Variants in ATP8B1 observed in about 807,000 individuals in gnomAD.
The protein encoded by ATP8B1 is ATPase phospholipid transporting 8B1, also known as phospholipid-transporting ATPase IC.
A neutral mutation model predicts 149.9 loss-of-function variants in ATP8B1; 80 were observed. That is an observed-to-expected ratio of 0.53 (90% CI 0.45 to 0.64). The LOEUF (loss-of-function observed/expected upper bound fraction) is 0.64, where lower values mean the gene tolerates loss of function less well. Among genes scored for constraint, ATP8B1 ranks in the 30% least tolerant of loss-of-function variants. The pLI is 0.00. For synonymous variants in ATP8B1, 536 were observed against 562.8 expected, an observed-to-expected ratio of 0.95 and a Z score of 0.67; for missense variants, 1,247 against 1,552.6, an observed-to-expected ratio of 0.80 and a Z score of 3.31.
chr18:57,756,672 T>TCTC (rs71171083), intron 1 of ATP8B1, among the ~76,000 whole-genome samples: 1 of 151,862 alleles, frequency 6.6e-6, no homozygotes, highest in Non-Finnish European at 1.5e-5. Context: ...TCTCTCTCTC[T>TCTC]TTTTAAAACT....
chr18:57,695,047 A>AAG, intron 10 of ATP8B1, 124 bp downstream of exon 10: 1 of 871,662 alleles, frequency 1.1e-6, no homozygotes, highest in African/African-American at 1.7e-5. Context: ...AAAAAAAAAA[A>AAG]AAAAAAAAGC....
intron 2 of ATP8B1, among the ~76,000 whole-genome samples, chr18:57,722,223 C>G (rs1263217423): frequency 6.6e-6 from 1 of 151,706 alleles, no homozygotes; most frequent in Non-Finnish European, 1.5e-5. Flanking sequence ...CAAAAGTTAG[C>G]AGAAGGCAAG....
rs796785865 is a variant in ATP8B1, at chr18:57,676,735, A to G, written c.1631-1713T>C. On this transcript the variant is annotated intron_variant, in intron 15 of 27. Transcript: ENST00000648908. ...TCCATTTCAAAAAAAAAAAAAAAAA[A>G]AAAGAAAGAAAGAAAAGTTGAAACA... Among the ~76,000 whole-genome samples, 1,026 of 150,982 alleles carry G rather than the reference A, an allele frequency of 6.8e-3. 13 individuals are homozygous for G. The highest frequency in any genetic ancestry group is 0.023 in the African/African-American group (928 of 40,978).
At chr18:57,703,901 A>G (rs1172531176) in intron 4 of ATP8B1, among the ~76,000 whole-genome samples, 2 of 152,204 alleles carry the variant, frequency 1.3e-5, no homozygotes, top group South Asian at 2.1e-4. Flanking sequence ...TCTAACTACA[A>G]TGATAAAAGA....
intron 1 of ATP8B1, among the ~76,000 whole-genome samples, chr18:57,736,737 G>A (rs2079860855): frequency 6.6e-6 from 1 of 151,310 alleles, no homozygotes; most frequent in South Asian, 2.1e-4. Context: ...TAGGATTATA[G>A]GTGTGGTCCC....
At chr18:57,723,092 C>T (rs979874605) in intron 2 of ATP8B1, among the ~76,000 whole-genome samples, 101 of 151,486 alleles carry the variant, frequency 6.7e-4, no homozygotes, top group African/African-American at 2.3e-3. Flanking sequence ...ATTGATGGGA[C>T]GTATTTCAAA....
intron 23 of ATP8B1, 63 bp downstream of exon 23, chr18:57,655,131 C>G (rs1909902279): frequency 6.9e-7 from 1 of 1,446,678 alleles, no homozygotes; most frequent in Admixed American, 1.7e-5. Context: ...CTTTTCAGAA[C>G]TAGATTTTTA....
chr18:57,733,836 C>T (rs1283378030), intron 1 of ATP8B1, among the ~76,000 whole-genome samples: 1 of 151,894 alleles, frequency 6.6e-6, no homozygotes, highest in African/African-American at 2.4e-5. Flanking sequence ...AACTATGTAG[C>T]TGATTGCAAG....
rs1909382370 is a variant in ATP8B1 at position 57,648,852 on chromosome 18, T to TGTGTG, written c.3532-141_3532-140insCACAC. The TGTGTG allele has an allele frequency of 3.0e-4, 169 of 557,538 alleles. 15 individuals carry two copies. Among genetic ancestry groups the TGTGTG allele is most frequent in the Middle Eastern group, 9.5e-4 (2 of 2,104 alleles). The allele number at this position is 557,538 out of a possible 1,614,324, so 34.5% of individuals were successfully genotyped here. A position where few individuals can be genotyped will look rare whatever the true frequency, so the allele number is the denominator to read the frequency against. ...TTGATGCAGGCAGTTCTGTCCCCAC[T>TGTGTG]TGTGTGTGTGTGTGTGTGTGTGTGT... is the stretch of plus-strand genomic sequence containing the variant. On this transcript the variant is annotated intron_variant, in intron 27 of 27. Transcript: ENST00000648908.
At chr18:57,715,943 G>C (rs944974847) in intron 2 of ATP8B1, among the ~76,000 whole-genome samples, 1 of 152,154 alleles carries the variant, frequency 6.6e-6, no homozygotes, top group African/African-American at 2.4e-5. Flanking sequence ...ACCCAGAATA[G>C]TATAACACTG....
intron 2 of ATP8B1, among the ~76,000 whole-genome samples, chr18:57,707,138 C>T (rs1475094108): frequency 1.3e-5 from 2 of 152,132 alleles, no homozygotes; most frequent in African/African-American, 2.4e-5. Context: ...AACCCCGTCT[C>T]TACTAAAAAT....
intron 22 of ATP8B1, chr18:57,659,923 T>C (rs936052037): frequency 5.3e-5 from 8 of 152,190 alleles, no homozygotes; most frequent in African/African-American, 1.9e-4. Flanking sequence ...CAATTACCTA[T>C]GTACAGTCAG....
intron 2 of ATP8B1, 61 bp from the exon 3 acceptor site, chr18:57,706,648 T>G: frequency 7.5e-7 from 1 of 1,339,884 alleles, no homozygotes; most frequent in South Asian, 1.2e-5. Flanking sequence ...ATGAGTTGAA[T>G]TGTGTCTTCC....
intron 2 of ATP8B1, among the ~76,000 whole-genome samples, chr18:57,712,012 A>G (rs1478271031): frequency 1.3e-5 from 2 of 151,000 alleles, no homozygotes; most frequent in African/African-American, 4.9e-5. Context: ...ACTGTTTTAA[A>G]GCAATGTTTG....
At chr18:57,772,466 A>C (rs1264723887) in intron 1 of ATP8B1, among the ~76,000 whole-genome samples, 1 of 152,174 alleles carries the variant, frequency 6.6e-6, no homozygotes, top group African/African-American at 2.4e-5. Context: ...TCAGTTACTA[A>C]AGTGCGGGTA....
At chr18:57,667,991 TC>T (rs1425719180) in intron 19 of ATP8B1, 1 of 1,122,144 alleles carries the variant, frequency 8.9e-7, no homozygotes, top group Admixed American at 3.1e-5. Flanking sequence ...AAAATTAAAA[TC>T]GTTCTTTCCT....
At chr18:57,789,513 A>G (rs1170446911) in intron 1 of ATP8B1, among the ~76,000 whole-genome samples, 1 of 152,232 alleles carries the variant, frequency 6.6e-6, no homozygotes, top group Non-Finnish European at 1.5e-5. Context: ...ACTTTGTTAT[A>G]CTACCCTACA....
At chr18:57,800,258 G>A (rs2080561276) in intron 1 of ATP8B1, among the ~76,000 whole-genome samples, 1 of 152,126 alleles carries the variant, frequency 6.6e-6, no homozygotes, top group Non-Finnish European at 1.5e-5. Context: ...ACTTTGGGAG[G>A]CCAAGGCAGG....
Position 57,652,518 on chromosome 18 carries a change from A to G in ATP8B1, c.3227T>C (p.Ile1076Thr). The G allele has an allele frequency of 1.9e-6, 3 of 1,614,214 alleles. No individual in the cohort carries two copies. The highest frequency in any genetic ancestry group is 1.3e-5 in the African/African-American group (1 of 75,058). The change falls in exon 25 of 28, where the codon ATT becomes ACT. Residue 1076 changes from isoleucine (I) to threonine (T), a missense_variant. Ile to Thr is a moderately conservative substitution (Grantham distance 89). Coordinates refer to ENST00000648908, the MANE Select transcript of ATP8B1 (RefSeq NM_001374385.1). ...GACTGTTATTACAAGAGCAGAGGCA[A>G]TGGTGACGGCAAAAGACTGGTAGTC... is the stretch of plus-strand genomic sequence containing the variant. ...PSDYQSFAVT[I>T]ASALVITVNF...
Sources: allele counts gnomAD v4.1 joint callset (sites outside exome capture counted in the v4.1 genomes callset), GRCh38; gene constraint gnomAD v4.1.1; transcripts MANE v1.5; gene names NCBI Gene and HGNC (gene_info 2026-07-23, HGNC 2026-07-21).